Variants in NEDD4 observed in about 807,000 individuals in gnomAD.
NEDD4 encodes the protein NEDD4 E3 ubiquitin protein ligase, also known as E3 ubiquitin-protein ligase NEDD4.
Under a neutral mutation model 144.9 loss-of-function variants are expected in NEDD4, and 99 were observed. The observed-to-expected ratio is 0.68, with a 90% CI of 0.58 to 0.81. The LOEUF (loss-of-function observed/expected upper bound fraction) is 0.81. NEDD4 is among the 30% of genes least tolerant of loss of function. The pLI, the probability that NEDD4 is intolerant of heterozygous loss-of-function variation, is 0.00. For synonymous variants in NEDD4, 318 were observed against 350.6 expected, an observed-to-expected ratio of 0.91 and a Z score of 1.04; for missense variants, 985 against 1,065.9, an observed-to-expected ratio of 0.92 and a Z score of 1.06.
At chr15:55,962,664 G>C (rs939819769) in intron 2 of NEDD4, among the ~76,000 whole-genome samples, 2 of 151,444 alleles carry the variant, frequency 1.3e-5, no homozygotes, top group Non-Finnish European at 2.9e-5. Flanking sequence ...GGCTACTCTC[G>C]AACTCCTGAC....
At chr15:55,889,520 A>T (rs1300524452) in intron 5 of NEDD4, among the ~76,000 whole-genome samples, 1 of 152,196 alleles carries the variant, frequency 6.6e-6, no homozygotes, top group Non-Finnish European at 1.5e-5. Context: ...GCTAAAAATT[A>T]AAACAATTGA....
At chr15:55,852,591 C>T (rs765007269) in intron 12 of NEDD4, 48 bp from the exon 13 acceptor site, 2 of 1,577,972 alleles carry the variant, frequency 1.3e-6, no homozygotes, top group Non-Finnish European at 1.7e-6. Flanking sequence ...GTTTAAGAAT[C>T]CTTCTATCAC....
chr15:55,918,761 TTA>T (rs1424252136), intron 5 of NEDD4, among the ~76,000 whole-genome samples: 2 of 152,030 alleles, frequency 1.3e-5, no homozygotes, highest in African/African-American at 4.8e-5. Flanking sequence ...AATACAATTA[TTA>T]TGTTATTTTT....
chr15:55,881,827 T>G lies in NEDD4; in HGVS notation c.292-7819A>C, dbSNP rs182041216. Among the ~76,000 whole-genome samples the G allele has an allele frequency of 1.3e-3, 200 of 152,268 alleles. 1 individual carries two copies. The highest frequency in any genetic ancestry group is 4.6e-3 in the African/African-American group (193 of 41,572). On this transcript the variant is annotated intron_variant, in intron 5 of 28. Coordinates refer to ENST00000435532, the MANE Select transcript of NEDD4 (RefSeq NM_006154.4). ...CAGGGTTTCTCAGCTTGGGCACTAC[T>G]GACAATTCGAGCCAGATAATTTTTT...
At chr15:55,889,654 T>C (rs2035502322) in intron 5 of NEDD4, among the ~76,000 whole-genome samples, 1 of 152,248 alleles carries the variant, frequency 6.6e-6, no homozygotes, top group Admixed American at 6.5e-5. Flanking sequence ...GATAGCAGAA[T>C]AGGGTAACTT....
chr15:55,903,998 A>G (rs1595822699), intron 5 of NEDD4, among the ~76,000 whole-genome samples: 1 of 151,794 alleles, frequency 6.6e-6, no homozygotes, highest in Non-Finnish European at 1.5e-5. Context: ...CATCTCTACT[A>G]AAAACACAAA....
At chr15:55,841,070 A>C (rs1041472359) in intron 19 of NEDD4, among the ~76,000 whole-genome samples, 1 of 152,142 alleles carries the variant, frequency 6.6e-6, no homozygotes, top group East Asian at 1.9e-4. Flanking sequence ...AGTAGCTGGA[A>C]TTACAGGCGC....
intron 4 of NEDD4, among the ~76,000 whole-genome samples, chr15:55,949,751 T>C (rs1377830351): frequency 6.6e-6 from 1 of 151,158 alleles, no homozygotes; most frequent in East Asian, 1.9e-4. Flanking sequence ...AATTGAACAA[T>C]GAGAACACTT....
At chr15:55,843,211 G>C (rs2033595113) in intron 18 of NEDD4, among the ~76,000 whole-genome samples, 2 of 152,192 alleles carry the variant, frequency 1.3e-5, no homozygotes, top group East Asian at 3.8e-4. Context: ...AAATTGCCTG[G>C]TCTCAGGTAT....
chr15:55,965,245 C>A (rs2142327656), intron 2 of NEDD4, among the ~76,000 whole-genome samples: 1 of 152,294 alleles, frequency 6.6e-6, no homozygotes, highest in Admixed American at 6.5e-5. Flanking sequence ...GTCACCCAGG[C>A]TGGAGTGCAT....
intron 5 of NEDD4, among the ~76,000 whole-genome samples, chr15:55,921,523 C>T (rs1215475723): frequency 6.6e-6 from 1 of 152,040 alleles, no homozygotes; most frequent in African/African-American, 2.4e-5. Flanking sequence ...CGCAGTTTCA[C>T]CATGCTGGCC....
In NEDD4 at chr15:55,839,740, C is replaced by G. The variant is rs569996125; in HGVS notation, c.2031+707G>C. On this transcript the variant is annotated intron_variant, in intron 21 of 28. Coordinates refer to ENST00000435532, the MANE Select transcript of NEDD4 (RefSeq NM_006154.4). ...TGCCTGTAATCCCAGCACTTTGGGACGCTGAGGCAGGCGGATAACGAGGTC... is the reference window on the plus strand; with the variant it reads ...TGCCTGTAATCCCAGCACTTTGGGAGGCTGAGGCAGGCGGATAACGAGGTC... Among the ~76,000 whole-genome samples, 4 of 151,584 alleles carry G rather than the reference C, an allele frequency of 2.6e-5. No homozygotes were observed. The South Asian group carries it at 8.4e-4, about 32-fold the overall frequency.
Position 55,916,243 on chromosome 15 carries a change from T to G in NEDD4, c.291+8403A>C, listed in dbSNP as rs368960297. 4 of 1,613,960 alleles carry G rather than the reference T, an allele frequency of 2.5e-6. No individual in the cohort carries two copies. The African/African-American group carries it at 5.3e-5, about 22-fold the overall frequency. ...TTTCCACCCAAAAAAGTATCATCAC[T>G]TGGTGGAAAAGTATAACTACTACTG... On this transcript the variant is annotated intron_variant, in intron 5 of 28. Transcript: ENST00000435532.
rs548075041 is a variant in NEDD4, at chr15:55,926,081, CAT to C, written c.238-1384_238-1383del. ...AAATACATATACGTATGTAAAAATACATATACATACTGTACATGTATATGATA... is the reference window on the plus strand; with the variant it reads ...AAATACATATACGTATGTAAAAATACATACATACTGTACATGTATATGATA... On this transcript the variant is annotated intron_variant, in intron 4 of 28. Coordinates refer to ENST00000435532, the MANE Select transcript of NEDD4 (RefSeq NM_006154.4). Among the ~76,000 whole-genome samples, 186 of 151,614 alleles carry C rather than the reference CAT, an allele frequency of 1.2e-3. 2 individuals are homozygous for C. The highest frequency in any genetic ancestry group is 4.3e-3 in the African/African-American group (179 of 41,306).
chr15:55,949,393 C>T (rs1472404352), intron 4 of NEDD4, among the ~76,000 whole-genome samples: 7 of 152,082 alleles, frequency 4.6e-5, no homozygotes, highest in South Asian at 4.1e-4. Context: ...GACAGTGTGG[C>T]GATTCCTCAA....
At chr15:55,972,167 TAAG>T (rs1313661845) in intron 1 of NEDD4, among the ~76,000 whole-genome samples, 1 of 152,156 alleles carries the variant, frequency 6.6e-6, no homozygotes, top group Non-Finnish European at 1.5e-5. Flanking sequence ...TAATAAGCGA[TAAG>T]AAATCATCTG....
intron 5 of NEDD4, among the ~76,000 whole-genome samples, chr15:55,899,531 C>T (rs1379537781): frequency 6.6e-6 from 1 of 152,068 alleles, no homozygotes; most frequent in African/African-American, 2.4e-5. Context: ...CCTTTAAAAC[C>T]AGTATTTTCT....
At position 55,954,447 on chromosome 15, in the gene NEDD4, A is replaced by G. The variant is rs376040036; in HGVS notation, c.120-2858T>C. Among the ~76,000 whole-genome samples, 12 of 152,298 alleles carry G rather than the reference A, an allele frequency of 7.9e-5. No homozygotes were observed. In the East Asian group the frequency reaches 2.1e-3, roughly 27 times the overall value. On this transcript the variant is annotated intron_variant, in intron 2 of 28. Transcript: ENST00000435532. ...AATATAAATACAAAATGTAAATGTA[A>G]TTATGTATCTATCCCTAATCTCACC...
In NEDD4 at chr15:55,872,083, T is replaced by C. The variant is rs189950266; in HGVS notation, c.404+332A>G. On this transcript the variant is annotated intron_variant, in intron 7 of 28. Transcript: ENST00000435532. Reference sequence around the variant, plus strand: ...GCTTTGTGCACGTCGAGTTAGGTAATGGTTTTAGATGAATTCATGTTTGTG... The same window carrying C: ...GCTTTGTGCACGTCGAGTTAGGTAACGGTTTTAGATGAATTCATGTTTGTG... Among the ~76,000 whole-genome samples, 7 of 152,168 alleles carry C rather than the reference T, an allele frequency of 4.6e-5. No homozygotes were observed. In the East Asian group the frequency reaches 1.4e-3, roughly 29 times the overall value.
Sources: allele counts gnomAD v4.1 joint callset (sites outside exome capture counted in the v4.1 genomes callset), GRCh38; gene constraint gnomAD v4.1.1; transcripts MANE v1.5; gene names NCBI Gene and HGNC (gene_info 2026-07-23, HGNC 2026-07-21).